The following MYO10 variants were observed in gnomAD, a reference collection of about 807,000 sequenced individuals.
MYO10 encodes the protein myosin X, also known as unconventional myosin-X.
A neutral mutation model predicts 257.3 loss-of-function variants in MYO10; 133 were observed. That is an observed-to-expected ratio of 0.52 (90% CI 0.45 to 0.60). The LOEUF (loss-of-function observed/expected upper bound fraction) is 0.60, where lower values mean the gene tolerates loss of function less well. Among genes scored for constraint, MYO10 ranks in the 20% least tolerant of loss-of-function variants. MYO10 has a pLI of 0.00. For synonymous variants in MYO10, 1,104 were observed against 1,028.6 expected, an observed-to-expected ratio of 1.07 and a Z score of -1.40; for missense variants, 2,399 against 2,635.7, an observed-to-expected ratio of 0.91 and a Z score of 1.97.
At chr5:16,857,739 T>C (rs562868130) in intron 2 of MYO10, among the ~76,000 whole-genome samples, 34 of 152,292 alleles carry the variant, frequency 2.2e-4, no homozygotes, top group African/African-American at 7.2e-4. Flanking sequence ...AGGAACCTCC[T>C]CTCACTGGGA....
intron 3 of MYO10, among the ~76,000 whole-genome samples, chr5:16,816,325 G>A (rs1265070442): frequency 8.0e-6 from 1 of 124,730 alleles, no homozygotes; most frequent in African/African-American, 3.0e-5. Context: ...GTGACAGAGT[G>A]AGACTCTGTC....
intron 29 of MYO10, among the ~76,000 whole-genome samples, chr5:16,685,486 AC>A (rs1186022081): frequency 6.6e-6 from 1 of 152,216 alleles, no homozygotes; most frequent in African/African-American, 2.4e-5. Flanking sequence ...TGCTGGGACT[AC>A]AGGCATGAGC....
chr5:16,893,177 A>T (rs1745113780), intron 1 of MYO10, among the ~76,000 whole-genome samples: 1 of 124,430 alleles, frequency 8.0e-6, no homozygotes, highest in South Asian at 2.6e-4. Flanking sequence ...AGCCTGGGTG[A>T]CACAGTGAGA....
At chr5:16,752,888 CA>C (rs1373336180) in intron 19 of MYO10, among the ~76,000 whole-genome samples, 3 of 152,094 alleles carry the variant, frequency 2.0e-5, no homozygotes, top group Admixed American at 6.6e-5. Context: ...TTTATGTTAC[CA>C]TTTTTTTGGT....
At chr5:16,853,282 G>A (rs1228670907) in intron 2 of MYO10, among the ~76,000 whole-genome samples, 1 of 151,824 alleles carries the variant, frequency 6.6e-6, no homozygotes. Flanking sequence ...GCTGAGGCAG[G>A]AGAATGGCAT....
chr5:16,766,060 A>T lies in MYO10; in HGVS notation c.1179+20T>A. The T allele has an allele frequency of 6.4e-7, 1 of 1,559,974 alleles. No individual in the cohort carries two copies. The highest frequency in any genetic ancestry group is 8.8e-7 in the Non-Finnish European group (1 of 1,130,988). On this transcript the variant is annotated intron_variant, in intron 11 of 40. Transcript: ENST00000513610. ...CAGGAGTGTCTAGTAACGCAAGATCAGATGGCAAAGCGTGTGTACCTGTTG... is the reference window on the plus strand; with the variant it reads ...CAGGAGTGTCTAGTAACGCAAGATCTGATGGCAAAGCGTGTGTACCTGTTG...
rs1011677056 is a variant in MYO10, at chr5:16,672,200, CAGG to C, written c.5309+486_5309+488del. Among the ~76,000 whole-genome samples the C allele has an allele frequency of 1.6e-4, 24 of 149,502 alleles. No homozygotes were observed. The South Asian group carries it at 4.8e-3, about 30-fold the overall frequency. On this transcript the variant is annotated intron_variant, in intron 37 of 40. Transcript: ENST00000513610. ...ATCCCAGCTACTCGGGAGTCTGAGG[CAGG>C]AGAACTGCTTGAACCCAGAAGGCAG...
chr5:16,741,879 C>T, intron 19 of MYO10: 1 of 985,408 alleles, frequency 1.0e-6, no homozygotes, highest in Non-Finnish European at 1.2e-6. Context: ...GCAAGGGCAT[C>T]TAAGCTGACA....
At chr5:16,836,566 C>A (rs542253403) in intron 2 of MYO10, among the ~76,000 whole-genome samples, 1 of 152,152 alleles carries the variant, frequency 6.6e-6, no homozygotes, top group Non-Finnish European at 1.5e-5. Context: ...AAGGGGTATA[C>A]AGCCCCCACC....
chr5:16,802,052 C>T (rs938514322), intron 3 of MYO10, among the ~76,000 whole-genome samples: 1 of 152,130 alleles, frequency 6.6e-6, no homozygotes, highest in African/African-American at 2.4e-5. Context: ...TGTGCGAGTC[C>T]ACTTGTATGA....
At chr5:16,766,652 A>G (rs1170609807) in intron 10 of MYO10, among the ~76,000 whole-genome samples, 1 of 151,830 alleles carries the variant, frequency 6.6e-6, no homozygotes, top group Non-Finnish European at 1.5e-5. Flanking sequence ...GGATGGTCTC[A>G]ATCTGTTGAC....
intron 2 of MYO10, among the ~76,000 whole-genome samples, chr5:16,830,916 G>A (rs1033776207): frequency 6.6e-6 from 1 of 152,152 alleles, no homozygotes; most frequent in Non-Finnish European, 1.5e-5. Flanking sequence ...GGAGGGAACT[G>A]GGCAGGAGGG....
intron 19 of MYO10, among the ~76,000 whole-genome samples, chr5:16,728,327 T>C (rs1739451756): frequency 6.6e-6 from 1 of 151,874 alleles, no homozygotes; most frequent in Admixed American, 6.6e-5. Flanking sequence ...GGGGAAACCC[T>C]GTAGGCAGAT....
At chr5:16,810,507 A>C (rs952960044) in intron 3 of MYO10, among the ~76,000 whole-genome samples, 5 of 152,218 alleles carry the variant, frequency 3.3e-5, no homozygotes, top group African/African-American at 1.2e-4. Context: ...GAAACCTTTA[A>C]ACAGACTGGG....
At chr5:16,858,726 G>A (rs1744032629) in intron 2 of MYO10, among the ~76,000 whole-genome samples, 1 of 152,162 alleles carries the variant, frequency 6.6e-6, no homozygotes. Context: ...CTGGGAGGCC[G>A]AGGTGGGCGG....
rs567402631 is a variant in MYO10 at position 16,670,585 on chromosome 5, T to G, written c.5824A>C (p.Lys1942Gln). ...CACTCCTTGATCAAGGCCATGTACT[T>G]GGCCATGGCCTGTTCCTGGTTCATT... ...QGMNQEQAMA[K>Q]YMALIKEWPG... Residue 1942 changes from lysine to glutamine, a missense_variant, in exon 39 of 41, where the codon AAG becomes CAG. This residue lies in a region of MYO10 where 1,820 missense variants were observed against 1,939.4 expected (regional missense o/e 0.94). Coordinates refer to ENST00000513610, the MANE Select transcript of MYO10 (RefSeq NM_012334.3). The G allele has an allele frequency of 1.2e-5, 20 of 1,613,990 alleles. No individual in the cohort carries two copies. In the South Asian group the frequency reaches 2.0e-4, roughly 16 times the overall value.
rs1738151915 is a variant in MYO10 at position 16,702,939 on chromosome 5, C to A, written c.2496G>T (p.Arg832=). 2 of 1,551,420 alleles carry A rather than the reference C, an allele frequency of 1.3e-6. No individual in the cohort carries two copies. Among genetic ancestry groups the A allele is most frequent in the Non-Finnish European group, 1.7e-6 (2 of 1,146,920 alleles). ...AGGTACTGTACCTTTCTTCTTCCTC[C>A]CGTTTCTTCTTTTCTTCCTCTTCCT... ...KKQEEEEKKK[R]EEEERERERE... Residue 832 remains arginine (R), a synonymous_variant, in exon 23 of 41, where the codon CGG becomes CGT. Transcript: ENST00000513610.
intron 19 of MYO10, among the ~76,000 whole-genome samples, chr5:16,713,089 C>T (rs979096188): frequency 6.6e-6 from 1 of 152,136 alleles, no homozygotes; most frequent in African/African-American, 2.4e-5. Context: ...ACTTACTTAA[C>T]TTTGTTAAAT....
In MYO10 at chr5:16,662,560, G is replaced by C. The variant is rs971731146; in HGVS notation, c.*4132C>G. The C allele has an allele frequency of 6.6e-6, 1 of 151,958 alleles. No homozygotes were observed. The highest frequency in any genetic ancestry group is 1.5e-5 in the Non-Finnish European group (1 of 68,034). The allele number at this position is 151,958 out of a possible 1,614,324, so 9.4% of individuals were successfully genotyped here. On this transcript the variant is annotated 3_prime_UTR_variant, in exon 41 of 41. Transcript: ENST00000513610. ...TGGTCTTGAACTCCGGAGCTCAAGC[G>C]ATCCTCTTGCCTCGGCCTTCCAACA...
Sources: allele counts gnomAD v4.1 joint callset (sites outside exome capture counted in the v4.1 genomes callset), GRCh38; gene constraint gnomAD v4.1.1; regional missense constraint gnomAD v4.1.1; transcripts MANE v1.5; gene names NCBI Gene and HGNC (gene_info 2026-07-23, HGNC 2026-07-21).